Variants in MLPH observed in about 807,000 individuals in gnomAD.
MLPH encodes the protein exophilin-3.
In MLPH, 51 loss-of-function variants were observed where a neutral mutation model predicts 72.1. The observed-to-expected ratio is 0.71, with a 90% confidence interval of 0.56 to 0.89. The LOEUF (loss-of-function observed/expected upper bound fraction) is 0.89. Among genes scored for constraint, MLPH ranks in the 40% least tolerant of loss-of-function variants. The pLI is 0.00. For missense variants in MLPH, 743 were observed against 759.9 expected, an observed-to-expected ratio of 0.98 and a Z score of 0.26; for synonymous variants, 301 against 310.1, an observed-to-expected ratio of 0.97 and a Z score of 0.31.
rs1416105258 is a variant in MLPH at position 237,555,249 on chromosome 2, C to G, written c.*1657C>G. The G allele has an allele frequency of 6.6e-6, 1 of 152,122 alleles. No homozygotes were observed. The highest frequency in any genetic ancestry group is 1.9e-4 in the East Asian group (1 of 5,196). The allele number at this position is 152,122 out of a possible 1,614,324, so 9.4% of individuals were successfully genotyped here. On this transcript the variant is annotated 3_prime_UTR_variant, in exon 16 of 16. Coordinates refer to ENST00000264605, the MANE Select transcript of MLPH (RefSeq NM_024101.7). ...CCATGATCGCATCACTATACTCGAG[C>G]CTGGGCAACAGAGTGAGACCTTGTC... is the stretch of plus-strand genomic sequence containing the variant.
chr2:237,489,812 T>G (rs1371553949), intron 1 of MLPH, among the ~76,000 whole-genome samples: 1 of 152,114 alleles, frequency 6.6e-6, no homozygotes, highest in Non-Finnish European at 1.5e-5. Flanking sequence ...CTGATTTCCC[T>G]TCAATTTGGC....
intron 14 of MLPH, among the ~76,000 whole-genome samples, chr2:237,549,595 GC>G (rs1283902760): frequency 1.5e-4 from 23 of 152,270 alleles, no homozygotes; most frequent in African/African-American, 5.3e-4. Context: ...AGAAAGTACG[GC>G]TCATCATTTA....
upstream of MLPH, among the ~76,000 whole-genome samples, chr2:237,486,904 T>G (rs555007294): frequency 2.6e-5 from 4 of 152,210 alleles, no homozygotes; most frequent in South Asian, 8.3e-4. Flanking sequence ...AGTTAGAAAT[T>G]TCGACGATGT....
intron 12 of MLPH, chr2:237,545,539 G>C (rs140292050): frequency 7.8e-7 from 1 of 1,288,618 alleles, no homozygotes; most frequent in Non-Finnish European, 1.0e-6. Context: ...AAAAGGAGCC[G>C]CCTGAATCAT....
In MLPH at chr2:237,510,893, A is replaced by G. The variant is rs756105748; in HGVS notation, c.333-96A>G. 120 of 1,506,222 alleles carry G rather than the reference A, an allele frequency of 8.0e-5. No individual in the cohort carries two copies. Among genetic ancestry groups the G allele is most frequent in the Non-Finnish European group, 1.0e-4 (114 of 1,096,502 alleles). The allele number at this position is 1,506,222 out of a possible 1,614,324, so 93.3% of individuals were successfully genotyped here. A position where few individuals can be genotyped will look rare whatever the true frequency, so the allele number is the denominator to read the frequency against. On this transcript the variant is annotated intron_variant, in intron 3 of 15. Coordinates refer to ENST00000264605, the MANE Select transcript of MLPH (RefSeq NM_024101.7). This position sits in a 1 kb window ranked among gnomAD's most constrained non-coding sequence, Gnocchi z 4.4. ...TGAAGAAGGGTGGACGCACACATGC[A>G]CACACTCGTGTGTGTGTGTGTGTGT...
At chr2:237,516,865 A>G (rs1574858520) in intron 4 of MLPH, among the ~76,000 whole-genome samples, 1 of 148,246 alleles carries the variant, frequency 6.7e-6, no homozygotes, top group African/African-American at 2.5e-5. Context: ...GATAGGATGG[A>G]TGGATGGGTG....
At chr2:237,490,000 G>A (rs367628345) in intron 1 of MLPH, among the ~76,000 whole-genome samples, 137 of 152,332 alleles carry the variant, frequency 9.0e-4, no homozygotes, top group African/African-American at 3.0e-3. Flanking sequence ...AAGGCTGGCT[G>A]TCTCCAATGT....
chr2:237,540,196 A>C, intron 9 of MLPH, 152 bp from the exon 10 acceptor site: 1 of 842,870 alleles, frequency 1.2e-6, no homozygotes, highest in Non-Finnish European at 1.9e-6. Context: ...CCAGAGGGGC[A>C]TGTTGGACAA....
chr2:237,553,874 T>G lies in MLPH; in HGVS notation c.*282T>G. ...GACTTCCCTTTAGGACAATGTTGTGTAAATCTTTGAAGGACACACCGAAGA... is the reference window on the plus strand; with the variant it reads ...GACTTCCCTTTAGGACAATGTTGTGGAAATCTTTGAAGGACACACCGAAGA... On this transcript the variant is annotated 3_prime_UTR_variant, in exon 16 of 16. Coordinates refer to ENST00000264605, the MANE Select transcript of MLPH (RefSeq NM_024101.7). The G allele has an allele frequency of 1.6e-6, 1 of 620,186 alleles. No homozygotes were observed. Among genetic ancestry groups the G allele is most frequent in the South Asian group, 1.7e-5 (1 of 59,692 alleles). The allele number at this position is 620,186 out of a possible 1,614,324, so 38.4% of individuals were successfully genotyped here.
Position 237,519,932 on chromosome 2 carries a change from A to T in MLPH, c.578A>T (p.His193Leu). 6.2e-7 allele frequency: 1 copy of T among 1,613,970 alleles called. No homozygotes were observed. Among genetic ancestry groups the T allele is most frequent in the Non-Finnish European group, 8.5e-7 (1 of 1,180,002 alleles). Residue 193 changes from histidine (H) to leucine (L), a missense_variant, in exon 6 of 16, where the codon CAC becomes CTC. Physicochemically the swap from His to Leu is moderately conservative, Grantham distance 99. Coordinates refer to ENST00000264605, the MANE Select transcript of MLPH (RefSeq NM_024101.7). ...AAGAAAAAGCGCCTCCTCTCCGTCC[A>T]CGACTTCGACTTCGAGGGAGACTCA... ...GSKKKRLLSV[H>L]DFDFEGDSDD...
chr2:237,549,468 G>A (rs1273605886), intron 14 of MLPH, among the ~76,000 whole-genome samples, 190 bp downstream of exon 14: 2 of 152,196 alleles, frequency 1.3e-5, no homozygotes, highest in Non-Finnish European at 2.9e-5. Flanking sequence ...CTGGACAGCT[G>A]GAACTTGCTG....
At position 237,527,245 on chromosome 2, in the gene MLPH, C is replaced by T; in HGVS notation, c.881-132C>T. The T allele has an allele frequency of 4.4e-6, 5 of 1,139,294 alleles. No homozygotes were observed. The South Asian group carries it at 6.4e-5, about 15-fold the overall frequency. The allele number at this position is 1,139,294 out of a possible 1,614,324, so 70.6% of individuals were successfully genotyped here. A position where few individuals can be genotyped will look rare whatever the true frequency, so the allele number is the denominator to read the frequency against. The stretch of plus-strand genomic sequence containing the variant: ...CCCCATTCTTATTGTGACTTTGGAA[C>T]CTCAGCCCTGTAACATGAACATCCT... On this transcript the variant is annotated intron_variant, in intron 7 of 15. Coordinates refer to ENST00000264605, the MANE Select transcript of MLPH (RefSeq NM_024101.7).
chr2:237,503,439 T>C (rs1353351490), intron 2 of MLPH, among the ~76,000 whole-genome samples: 3 of 152,124 alleles, frequency 2.0e-5, no homozygotes, highest in Non-Finnish European at 4.4e-5. Context: ...AGTTTCCAGC[T>C]CCCTCGTGGT....
chr2:237,554,289 C>T lies in MLPH; in HGVS notation c.*697C>T, dbSNP rs146226614. ...CTAGTGCAGAGAGCCTGCTGGGAGA[C>T]GAAGAGACAGCAGGCAGAGCTCCAG... On this transcript the variant is annotated 3_prime_UTR_variant, in exon 16 of 16. Transcript: ENST00000264605. 3.0e-3 allele frequency: 487 copies of T among 164,740 alleles called. No homozygotes were observed. The highest frequency in any genetic ancestry group is 0.01 in the African/African-American group (426 of 41,770). The allele number at this position is 164,740 out of a possible 1,614,324, so 10.2% of individuals were successfully genotyped here.
intron 4 of MLPH, 168 bp downstream of exon 4, chr2:237,511,269 T>C (rs2106294263): frequency 5.9e-6 from 1 of 169,136 alleles, no homozygotes; most frequent in Non-Finnish European, 9.4e-6. Flanking sequence ...TCTGGCTGCT[T>C]TTTTTTTTTT....
chr2:237,541,078 C>A lies in MLPH; in HGVS notation c.1446+121C>A. The A allele has an allele frequency of 7.6e-7, 1 of 1,314,570 alleles. No homozygotes were observed. The highest frequency in any genetic ancestry group is 1.1e-6 in the Non-Finnish European group (1 of 935,346). The allele number at this position is 1,314,570 out of a possible 1,614,324, so 81.4% of individuals were successfully genotyped here. On this transcript the variant is annotated intron_variant, in intron 11 of 15. Coordinates refer to ENST00000264605, the MANE Select transcript of MLPH (RefSeq NM_024101.7). The surrounding 1 kb of genome is among the most constrained non-coding windows in gnomAD (Gnocchi z 5.1). ...CTCACACTGAGCCCTCCCCATTGGC[C>A]CAGCATGCACGGCTCTGAAGGCCAG...
chr2:237,486,751 T>G (rs66509917), upstream of MLPH: 56,212 of 152,188 alleles, frequency 0.37, 13,341 homozygotes, highest in African/African-American at 0.68. Context: ...GAGGGTACGC[T>G]CTCTGCAGCA....
intron 6 of MLPH, among the ~76,000 whole-genome samples, chr2:237,521,664 G>A (rs2080184811): frequency 1.3e-5 from 2 of 152,352 alleles, no homozygotes; most frequent in Non-Finnish European, 2.9e-5. Flanking sequence ...AGAATGTAAA[G>A]GTTTGGATTG....
chr2:237,502,917 G>A (rs753942095), intron 2 of MLPH, among the ~76,000 whole-genome samples: 1 of 152,024 alleles, frequency 6.6e-6, no homozygotes, highest in Non-Finnish European at 1.5e-5. Flanking sequence ...TCAGGAGTTC[G>A]AGACCAGCCT....
Sources: gnomAD v4.1 joint callset for allele counts (sites outside exome capture counted in the v4.1 genomes callset) on GRCh38, gnomAD v4.1.1 for gene constraint, Gnocchi (gnomAD v3.1) non-coding constraint, MANE v1.5 for transcripts, NCBI Gene and HGNC (gene_info 2026-07-23, HGNC 2026-07-21) for gene names.